Variants in USP47 observed in about 807,000 individuals in gnomAD.
USP47 encodes the protein ubiquitin carboxyl-terminal hydrolase 47.
In USP47, 35 loss-of-function variants were observed where a neutral mutation model predicts 165.1. The ratio of observed to expected loss-of-function variants is 0.21; its 90% CI spans 0.16 to 0.28. The LOEUF is 0.28. Ranked by LOEUF, USP47 falls within the 10% of genes least tolerant of loss-of-function variation. The pLI is 1.00. For synonymous variants in USP47, 531 were observed against 544.5 expected (o/e 0.98, Z 0.35); for missense variants, 1,277 against 1,607.4 (o/e 0.79, Z 3.52).
chr11:11,896,792 G>A (rs1371961241), intron 4 of USP47, among the ~76,000 whole-genome samples: 1 of 152,018 alleles, frequency 6.6e-6, no homozygotes, highest in East Asian at 1.9e-4. Flanking sequence ...TGGAATAGAA[G>A]CAGTTTAAAA....
intron 2 of USP47, among the ~76,000 whole-genome samples, chr11:11,881,565 A>G (rs1850831782): frequency 6.6e-6 from 1 of 151,828 alleles, no homozygotes; most frequent in Non-Finnish European, 1.5e-5. Flanking sequence ...TTTTCCATAG[A>G]TCTGATCCTG....
intron 1 of USP47, among the ~76,000 whole-genome samples, chr11:11,848,397 A>G (rs1848542551): frequency 1.3e-5 from 2 of 152,188 alleles, no homozygotes; most frequent in Non-Finnish European, 2.9e-5. Context: ...GTGTGTTCAA[A>G]CATACAGAAG....
intron 2 of USP47, among the ~76,000 whole-genome samples, chr11:11,880,618 T>C (rs1190824861): frequency 4.6e-5 from 7 of 152,148 alleles, no homozygotes; most frequent in Non-Finnish European, 8.8e-5. Flanking sequence ...TTTTCATTCA[T>C]GAAAGGTGAC....
rs1847395685 is a variant in USP47, at chr11:11,960,313, T to C, written c.*4138T>C. ...GAGGCTGGTAAGGTTACTGTCCCCT[T>C]GTGCCTGGTCACTAGTAACTTTTTT... On this transcript the variant is annotated 3_prime_UTR_variant, in exon 28 of 28. Coordinates refer to ENST00000527733, the MANE Select transcript of USP47 (RefSeq NM_001282659.2). 6.6e-6 allele frequency among the ~76,000 whole-genome samples: 1 copy of C among 152,118 alleles called. No individual in the cohort carries two copies. The highest frequency in any genetic ancestry group is 2.1e-4 in the South Asian group (1 of 4,824).
intron 7 of USP47, 85 bp from the exon 8 acceptor site, chr11:11,905,314 A>T: frequency 1.0e-6 from 1 of 960,916 alleles, no homozygotes; most frequent in Non-Finnish European, 1.4e-6. Flanking sequence ...ATCCTTTTGT[A>T]AACCATTCTA....
Position 11,956,908 on chromosome 11 carries a change from A to T in USP47, c.*733A>T, listed in dbSNP as rs1847225620. The T allele has an allele frequency of 6.6e-6, 1 of 152,278 alleles. No individual in the cohort carries two copies. The highest frequency in any genetic ancestry group is 2.4e-5 in the African/African-American group (1 of 41,454). The allele number at this position is 152,278 out of a possible 1,614,324, so 9.4% of individuals were successfully genotyped here. The stretch of plus-strand genomic sequence containing the variant: ...GAGAATATGTTTCATTCATTTATTC[A>T]GCATGTAAATAAAATTGATCCTGTT... On this transcript the variant is annotated 3_prime_UTR_variant, in exon 28 of 28. Coordinates refer to ENST00000527733, the MANE Select transcript of USP47 (RefSeq NM_001282659.2).
chr11:11,871,189 A>C (rs776561621), intron 1 of USP47, among the ~76,000 whole-genome samples: 102 of 152,092 alleles, frequency 6.7e-4, no homozygotes, highest in Non-Finnish European at 1.2e-3. Context: ...TGCCCTGTGC[A>C]TTATGAGATT....
At chr11:11,874,943 G>A (rs1850294612) in intron 1 of USP47, among the ~76,000 whole-genome samples, 1 of 151,906 alleles carries the variant, frequency 6.6e-6, no homozygotes, top group South Asian at 2.1e-4. Flanking sequence ...CATTAATCTT[G>A]AACTGTGGAT....
intron 4 of USP47, among the ~76,000 whole-genome samples, chr11:11,894,348 C>G (rs532859640): frequency 6.6e-6 from 1 of 151,872 alleles, no homozygotes; most frequent in East Asian, 1.9e-4. Context: ...CCCAGCTACT[C>G]GGGAGGCTGA....
intron 1 of USP47, among the ~76,000 whole-genome samples, chr11:11,845,288 G>T (rs1217408488): frequency 1.3e-5 from 2 of 152,010 alleles, no homozygotes; most frequent in Non-Finnish European, 2.9e-5. Flanking sequence ...AGTCAAACAG[G>T]TTTCTCTCTA....
In USP47 at chr11:11,891,983, G is replaced by A; in HGVS notation, c.373G>A (p.Gly125Arg). The change falls in exon 4 of 28, where the codon GGG (glycine) becomes AGG (arginine). Residue 125 changes from glycine (G) to arginine (R), a missense_variant. Physicochemically the swap from Gly to Arg is moderately radical, Grantham distance 125 (BLOSUM62 -2). Around this residue, in one of 4 missense-constraint regions of USP47, gnomAD observed 181 missense variants for 194.7 expected, o/e 0.93. Transcript: ENST00000527733. ...PQILLEDSSA[G>R]EDSVHDRFIG... ...TGCATTTTAGGAGGATTCCAGTGCT[G>A]GGGAAGACAGTGTTCATGACAGGTT... 2 of 1,612,780 alleles carry A rather than the reference G, an allele frequency of 1.2e-6. No individual in the cohort carries two copies. The highest frequency in any genetic ancestry group is 1.7e-6 in the Non-Finnish European group (2 of 1,179,436).
At chr11:11,876,355 G>C (rs564669225) in intron 1 of USP47, among the ~76,000 whole-genome samples, 4 of 152,246 alleles carry the variant, frequency 2.6e-5, no homozygotes, top group Admixed American at 6.5e-5. Context: ...ATGAAAAGTA[G>C]TACCTTTCCC....
intron 16 of USP47, among the ~76,000 whole-genome samples, chr11:11,935,866 T>C (rs1855024230): frequency 6.6e-6 from 1 of 151,948 alleles, no homozygotes; most frequent in South Asian, 2.1e-4. Flanking sequence ...CTCCTGTACT[T>C]AGATTGTTAC....
chr11:11,941,198 T>A (rs570249084), intron 19 of USP47, among the ~76,000 whole-genome samples: 2 of 152,122 alleles, frequency 1.3e-5, no homozygotes, highest in East Asian at 3.9e-4. Context: ...ATTACTAATA[T>A]GTAATTTTTA....
Position 11,883,135 on chromosome 11 carries a change from T to A in USP47, c.244-1332T>A, listed in dbSNP as rs1305411743. Among the ~76,000 whole-genome samples the A allele has an allele frequency of 3.9e-5, 6 of 152,196 alleles. No homozygotes were observed. In the East Asian group the frequency reaches 9.6e-4, roughly 24 times the overall value. Reference sequence around the variant, plus strand: ...GTATTTCAGCTGTGTGATCTGATCATGTCCCACCAGTGACTTTAAGGAACC... The same window carrying A: ...GTATTTCAGCTGTGTGATCTGATCAAGTCCCACCAGTGACTTTAAGGAACC... On this transcript the variant is annotated intron_variant, in intron 2 of 27. Transcript: ENST00000527733.
rs1008465888 is a variant in USP47, at chr11:11,947,104, A to G, written c.3092-841A>G. On this transcript the variant is annotated intron_variant, in intron 20 of 27. Coordinates refer to ENST00000527733, the MANE Select transcript of USP47 (RefSeq NM_001282659.2). ...CGAGGCAGCACTGCCTTATTAACTG[A>G]GAGTCTGGTTTCTGCTTTCTTCTAC... Among the ~76,000 whole-genome samples the G allele has an allele frequency of 1.7e-4, 26 of 152,310 alleles. 1 individual carries two copies. Among genetic ancestry groups the G allele is most frequent in the Middle Eastern group, 6.8e-3 (2 of 294 alleles).
intron 1 of USP47, among the ~76,000 whole-genome samples, chr11:11,875,685 A>G (rs1590276210): frequency 6.6e-6 from 1 of 151,822 alleles, no homozygotes; most frequent in African/African-American, 2.4e-5. Flanking sequence ...CTCACTGCAA[A>G]CTCTACCTCC....
intron 1 of USP47, among the ~76,000 whole-genome samples, chr11:11,847,838 T>C (rs765398004): frequency 6.6e-6 from 1 of 152,234 alleles, no homozygotes; most frequent in Non-Finnish European, 1.5e-5. Context: ...TTTTAAAGTT[T>C]ATAATTATTA....
At chr11:11,913,588 A>G (rs1853181771) in intron 8 of USP47, among the ~76,000 whole-genome samples, 1 of 152,038 alleles carries the variant, frequency 6.6e-6, no homozygotes, top group South Asian at 2.1e-4. Context: ...AGAGAGTAGA[A>G]TGGTAGTTAC....
Sources: gnomAD v4.1 joint callset for allele counts (sites outside exome capture counted in the v4.1 genomes callset) on GRCh38, gnomAD v4.1.1 for gene constraint, gnomAD v4.1.1 regional missense constraint, MANE v1.5 for transcripts, NCBI Gene and HGNC (gene_info 2026-07-23, HGNC 2026-07-21) for gene names.